SUCLG1: variants seen among roughly 807,000 people sequenced by gnomAD.
SUCLG1 encodes the protein succinate--CoA ligase [ADP/GDP-forming] subunit alpha, mitochondrial.
A neutral mutation model predicts 37.3 loss-of-function variants in SUCLG1; 26 were observed. The ratio of observed to expected loss-of-function variants is 0.70; its 90% CI spans 0.51 to 0.97. The LOEUF is 0.97. SUCLG1 is among the 50% of genes least tolerant of loss of function. SUCLG1 has a pLI of 0.00. For missense variants in SUCLG1, 433 were observed against 432.9 expected, an observed-to-expected ratio of 1.00 and a Z score of 0.00; for synonymous variants, 163 against 155.6, an observed-to-expected ratio of 1.05 and a Z score of -0.36.
intron 2 of SUCLG1, among the ~76,000 whole-genome samples, chr2:84,447,430 C>G (rs1490523168): frequency 6.6e-6 from 1 of 152,152 alleles, no homozygotes; most frequent in East Asian, 1.9e-4. Context: ...AGAGACAGTT[C>G]TGAATAGTGC....
chr2:84,436,711 C>A (rs1051126338), intron 5 of SUCLG1, among the ~76,000 whole-genome samples: 1 of 152,224 alleles, frequency 6.6e-6, no homozygotes, highest in African/African-American at 2.4e-5. Context: ...TGACCACACA[C>A]TGATTCTCCA....
chr2:84,453,311 A>C (rs1363672955), intron 1 of SUCLG1, among the ~76,000 whole-genome samples: 1 of 152,232 alleles, frequency 6.6e-6, no homozygotes, highest in Non-Finnish European at 1.5e-5. Context: ...CCAAAGCCTA[A>C]GAGAAAAACT....
chr2:84,444,719 C>T (rs1295087121), intron 2 of SUCLG1, among the ~76,000 whole-genome samples: 1 of 152,140 alleles, frequency 6.6e-6, no homozygotes, highest in African/African-American at 2.4e-5. Context: ...CTTATTTCAT[C>T]CCTACAGCTG....
intron 2 of SUCLG1, among the ~76,000 whole-genome samples, chr2:84,445,583 A>G (rs898262914): frequency 1.3e-5 from 2 of 152,208 alleles, no homozygotes; most frequent in African/African-American, 4.8e-5. Context: ...GTTAAAGACA[A>G]CTTCACGCCT....
chr2:84,458,148 C>T (rs1418886671), intron 1 of SUCLG1, among the ~76,000 whole-genome samples: 1 of 151,710 alleles, frequency 6.6e-6, no homozygotes, highest in Non-Finnish European at 1.5e-5. Flanking sequence ...TCATCCTGTA[C>T]ATCATCATTG....
chr2:84,455,811 G>A (rs544818563), intron 1 of SUCLG1, among the ~76,000 whole-genome samples: 1 of 149,920 alleles, frequency 6.7e-6, no homozygotes, highest in Admixed American at 6.6e-5. Context: ...ACTCCAGCCT[G>A]GGCGACAGAG....
intron 1 of SUCLG1, among the ~76,000 whole-genome samples, chr2:84,451,727 C>A (rs1021349406): frequency 6.6e-6 from 1 of 152,202 alleles, no homozygotes; most frequent in African/African-American, 2.4e-5. Flanking sequence ...CTGTGCAATG[C>A]CCCTGAGAGC....
At chr2:84,427,871 A>G (rs1265896215) in intron 7 of SUCLG1, among the ~76,000 whole-genome samples, 1 of 152,240 alleles carries the variant, frequency 6.6e-6, no homozygotes, top group East Asian at 1.9e-4. Context: ...AATTTAATAA[A>G]ATTAATAATT....
At chr2:84,456,164 C>A (rs534548232) in intron 1 of SUCLG1, among the ~76,000 whole-genome samples, 1 of 152,154 alleles carries the variant, frequency 6.6e-6, no homozygotes, top group African/African-American at 2.4e-5. Flanking sequence ...ACGCACTTGG[C>A]AAACACGGGG....
At chr2:84,438,862 A>G (rs1408469396) in intron 5 of SUCLG1, among the ~76,000 whole-genome samples, 1 of 152,160 alleles carries the variant, frequency 6.6e-6, no homozygotes, top group African/African-American at 2.4e-5. Context: ...AGTGCTCTAT[A>G]AAAACCCACC....
intron 6 of SUCLG1, chr2:84,432,248 A>C (rs981148042): frequency 6.5e-6 from 1 of 152,844 alleles, no homozygotes; most frequent in African/African-American, 2.4e-5. Context: ...GAACAAATTC[A>C]TGGACAGGGT....
Position 84,441,473 on chromosome 2 carries a change from G to T in SUCLG1, c.319-14C>A, listed in dbSNP as rs772571590. The T allele has an allele frequency of 6.2e-7, 1 of 1,612,194 alleles. No homozygotes were observed. Among genetic ancestry groups the T allele is most frequent in the East Asian group, 2.2e-5 (1 of 44,876 alleles). On this transcript the variant is annotated splice_polypyrimidine_tract_variant and intron_variant, in intron 3 of 8. Transcript: ENST00000393868. ...CTGTTCTTTGGCCTGAAACATTAAC[G>T]ACGAAGCACCTTATTATTTGTTAAA...
At chr2:84,447,418 A>G (rs563599049) in intron 2 of SUCLG1, among the ~76,000 whole-genome samples, 1 of 152,368 alleles carries the variant, frequency 6.6e-6, no homozygotes, top group East Asian at 1.9e-4. Flanking sequence ...TATTTAGAAT[A>G]TAGAGACAGT....
In SUCLG1 at chr2:84,429,677, A is replaced by G. The variant is rs72937125; in HGVS notation, c.825+1831T>C. On this transcript the variant is annotated intron_variant, in intron 7 of 8. Coordinates refer to ENST00000393868, the MANE Select transcript of SUCLG1 (RefSeq NM_003849.4). ...AAGGGAAGGTTTGGATGGTATGTGAAGGACTGGAATACCATGCTAAATCTG... is the reference window on the plus strand; with the variant it reads ...AAGGGAAGGTTTGGATGGTATGTGAGGGACTGGAATACCATGCTAAATCTG... Among the ~76,000 whole-genome samples, 371 of 152,316 alleles carry G rather than the reference A, an allele frequency of 2.4e-3. 1 individual carries two copies. The highest frequency in any genetic ancestry group is 0.014 in the Middle Eastern group (4 of 294).
rs2104261309 is a variant in SUCLG1, at chr2:84,447,482, T to C, written c.201+2167A>G. ...GGTTCTTACAAAAAAGCTCACAGCT[T>C]AAAATGTCACATAATCATATAATAT... is the stretch of plus-strand genomic sequence containing the variant. On this transcript the variant is annotated intron_variant, in intron 2 of 8. Transcript: ENST00000393868. 1.3e-5 allele frequency among the ~76,000 whole-genome samples: 2 copies of C among 152,308 alleles called. 1 individual carries two copies. Among genetic ancestry groups the C allele is most frequent in the South Asian group, 4.1e-4 (2 of 4,832 alleles).
chr2:84,433,347 C>T lies in SUCLG1; in HGVS notation c.673+5G>A. On this transcript the variant is annotated splice_donor_5th_base_variant and intron_variant, in intron 6 of 8. Coordinates refer to ENST00000393868, the MANE Select transcript of SUCLG1 (RefSeq NM_003849.4). ...AATAAAATGATTTTAGCAAAAGTCC[C>T]TCACCAACGCACAAAGACTGCCCCA... 1 of 1,613,574 alleles carries T rather than the reference C, an allele frequency of 6.2e-7. No homozygotes were observed. Among genetic ancestry groups the T allele is most frequent in the Non-Finnish European group, 8.5e-7 (1 of 1,179,578 alleles).
At chr2:84,453,137 T>G (rs908731242) in intron 1 of SUCLG1, among the ~76,000 whole-genome samples, 1 of 151,920 alleles carries the variant, frequency 6.6e-6, no homozygotes, top group African/African-American at 2.4e-5. Flanking sequence ...AAAGCAATAA[T>G]ACAAATTGAA....
chr2:84,455,038 C>A (rs749079551), intron 1 of SUCLG1, among the ~76,000 whole-genome samples: 20 of 152,188 alleles, frequency 1.3e-4, no homozygotes, highest in Non-Finnish European at 2.6e-4. Flanking sequence ...AAGACACAGG[C>A]TACTGCAGTC....
In SUCLG1 at chr2:84,441,031, TAACA is replaced by T. The variant is rs1326159010; in HGVS notation, c.589+12_589+15del. ...AATAACGTTTTAATCTATAAGAATG[TAACA>T]AACAAACTCACCAATCCTTCCTTTT... On this transcript the variant is annotated intron_variant, in intron 5 of 8. Coordinates refer to ENST00000393868, the MANE Select transcript of SUCLG1 (RefSeq NM_003849.4). The T allele has an allele frequency of 5.0e-6, 8 of 1,613,010 alleles. No individual in the cohort carries two copies. The highest frequency in any genetic ancestry group is 4.0e-5 in the African/African-American group (3 of 74,912).
Sources: allele counts gnomAD v4.1 joint callset (sites outside exome capture counted in the v4.1 genomes callset), GRCh38; gene constraint gnomAD v4.1.1; transcripts MANE v1.5; gene names NCBI Gene and HGNC (gene_info 2026-07-23, HGNC 2026-07-21).